Variants in PRKG1 observed in about 807,000 individuals in gnomAD.
PRKG1 encodes protein kinase cGMP-dependent 1.
PRKG1 carries 35 observed loss-of-function variants against 88.1 expected under a neutral mutation model. The observed-to-expected ratio is 0.40, with a 90% CI of 0.30 to 0.53. The LOEUF is 0.53. Ranked by LOEUF, PRKG1 falls within the 20% of genes least tolerant of loss-of-function variation. The pLI, the probability that PRKG1 is intolerant of heterozygous loss-of-function variation, is 0.59. For synonymous variants in PRKG1, 303 were observed against 292.5 expected (o/e 1.04, Z -0.37); for missense variants, 540 against 839.8 (o/e 0.64, Z 4.41).
At chr10:51,114,236 G>A (rs532811328) in intron 1 of PRKG1, among the ~76,000 whole-genome samples, 1 of 152,272 alleles carries the variant, frequency 6.6e-6, no homozygotes, top group South Asian at 2.1e-4. Flanking sequence ...TGATATGAAA[G>A]CTAGGGAGGT....
chr10:51,042,245 G>A (rs183640788), intron 1 of PRKG1, among the ~76,000 whole-genome samples: 3 of 152,156 alleles, frequency 2.0e-5, no homozygotes, highest in East Asian at 1.9e-4. Context: ...CCTCTCTCTC[G>A]TAAGAAAATG....
chr10:51,613,560 G>T (rs1699188917), intron 3 of PRKG1, among the ~76,000 whole-genome samples: 1 of 151,022 alleles, frequency 6.6e-6, no homozygotes, highest in Non-Finnish European at 1.5e-5. Context: ...GCTAATTTTG[G>T]GTTTGGTTTG....
At chr10:52,202,892 G>T (rs754084844) in intron 9 of PRKG1, among the ~76,000 whole-genome samples, 3 of 151,976 alleles carry the variant, frequency 2.0e-5, no homozygotes, top group Non-Finnish European at 4.4e-5. Flanking sequence ...ATTTCTGATT[G>T]TGTTTATTTG....
intron 1 of PRKG1, among the ~76,000 whole-genome samples, chr10:51,013,942 T>A (rs891237365): frequency 1.3e-5 from 2 of 152,094 alleles, no homozygotes; most frequent in Non-Finnish European, 2.9e-5. Context: ...TCTTCTGGGT[T>A]AAAAAAATAT....
At chr10:51,665,964 C>T (rs946612017) in intron 3 of PRKG1, among the ~76,000 whole-genome samples, 2 of 151,480 alleles carry the variant, frequency 1.3e-5, no homozygotes, top group African/African-American at 4.9e-5. Flanking sequence ...TGAAACAACA[C>T]AAGGGAAAGC....
intron 1 of PRKG1, among the ~76,000 whole-genome samples, chr10:51,049,121 A>G (rs911012940): frequency 4.6e-5 from 7 of 152,116 alleles, no homozygotes; most frequent in African/African-American, 1.7e-4. Context: ...CCGGCAATTA[A>G]CTGCCTCTGC....
chr10:51,413,770 T>C (rs1179136728), intron 2 of PRKG1, among the ~76,000 whole-genome samples: 3 of 152,224 alleles, frequency 2.0e-5, no homozygotes, highest in Non-Finnish European at 4.4e-5. Flanking sequence ...ATAAAGACAA[T>C]ATGTTCATTG....
intron 5 of PRKG1, among the ~76,000 whole-genome samples, chr10:52,039,652 T>C (rs921141774): frequency 6.6e-6 from 1 of 152,120 alleles, no homozygotes; most frequent in Non-Finnish European, 1.5e-5. Flanking sequence ...CTGAGGCCTC[T>C]AAACCACACC....
In PRKG1 at chr10:52,151,150, C is replaced by T. The variant is rs556147202; in HGVS notation, c.1002-10739C>T. Among the ~76,000 whole-genome samples the T allele has an allele frequency of 2.0e-5, 3 of 152,084 alleles. No individual in the cohort carries two copies. The East Asian group carries it at 5.8e-4, about 29-fold the overall frequency. On this transcript the variant is annotated intron_variant, in intron 8 of 17. Transcript: ENST00000373980. Reference sequence around the variant, plus strand: ...GTTATATAGGTAAACTTGTGTCATGCGGGTTTGGTGTGTAGACTATTTTGT... The same window carrying T: ...GTTATATAGGTAAACTTGTGTCATGTGGGTTTGGTGTGTAGACTATTTTGT...
chr10:51,945,907 C>G (rs1388433739), intron 5 of PRKG1, among the ~76,000 whole-genome samples: 30 of 151,064 alleles, frequency 2.0e-4, no homozygotes, highest in African/African-American at 6.1e-4. Flanking sequence ...TTCATTTCAA[C>G]TTTGGTGAAT....
Position 51,772,484 on chromosome 10 carries a change from G to T in PRKG1, c.593-32101G>T, listed in dbSNP as rs774130306. Among the ~76,000 whole-genome samples the T allele has an allele frequency of 4.6e-5, 7 of 152,142 alleles. No homozygotes were observed. The South Asian group carries it at 6.2e-4, about 14-fold the overall frequency. On this transcript the variant is annotated intron_variant, in intron 3 of 17. Coordinates refer to ENST00000373980, the MANE Select transcript of PRKG1 (RefSeq NM_006258.4). ...AAAAATAACATTAAAGCAGGTGACT[G>T]ACATGATTTTGTAAATATATTTATA...
chr10:51,659,409 G>A (rs1032019637), intron 3 of PRKG1, among the ~76,000 whole-genome samples: 5 of 152,100 alleles, frequency 3.3e-5, no homozygotes, highest in African/African-American at 1.2e-4. Context: ...CAGAGGAGCT[G>A]AGCCATCTGG....
intron 2 of PRKG1, among the ~76,000 whole-genome samples, chr10:51,429,062 A>C (rs1838681977): frequency 6.6e-6 from 1 of 152,170 alleles, no homozygotes; most frequent in African/African-American, 2.4e-5. Flanking sequence ...GCAGAAACAC[A>C]ACAGGGTCCA....
At chr10:51,994,772 G>C (rs1040765452) in intron 5 of PRKG1, among the ~76,000 whole-genome samples, 2 of 152,150 alleles carry the variant, frequency 1.3e-5, no homozygotes, top group African/African-American at 4.8e-5. Context: ...TTAATCTAAA[G>C]GGAAGGAAGT....
chr10:51,218,748 C>T, intron 2 of PRKG1, among the ~76,000 whole-genome samples: 1 of 150,868 alleles, frequency 6.6e-6, no homozygotes. Flanking sequence ...TAGAAACAAA[C>T]AAAAAAAGAT....
chr10:51,908,733 A>ATCTATCTATCTATCTATCTATATAT (rs60587885), intron 5 of PRKG1: 112 of 131,656 alleles, frequency 8.5e-4, no homozygotes, highest in African/African-American at 3.1e-3. Flanking sequence ...ATCTATATGT[A>ATCTATCTATCTATCTATCTATATAT]ATTTTTTTTT....
At position 51,695,026 on chromosome 10, in the gene PRKG1, C is replaced by T. The variant is rs541912539; in HGVS notation, c.593-109559C>T. 2.6e-5 allele frequency among the ~76,000 whole-genome samples: 4 copies of T among 152,212 alleles called. No individual in the cohort carries two copies. The South Asian group carries it at 8.3e-4, about 32-fold the overall frequency. ...TGCATCTAAACCCTTATGAAGGCAG[C>T]ATATGTGCTCTTAATGGGATTTTTT... On this transcript the variant is annotated intron_variant, in intron 3 of 17. Coordinates refer to ENST00000373980, the MANE Select transcript of PRKG1 (RefSeq NM_006258.4).
chr10:51,726,301 T>TA (rs1842129260), intron 3 of PRKG1, among the ~76,000 whole-genome samples: 1 of 152,240 alleles, frequency 6.6e-6, no homozygotes, highest in South Asian at 2.1e-4. Context: ...TAGAGAGTTC[T>TA]AATTCATTTT....
intron 4 of PRKG1, among the ~76,000 whole-genome samples, chr10:51,841,165 A>T (rs963750128): frequency 6.6e-6 from 1 of 152,206 alleles, no homozygotes; most frequent in African/African-American, 2.4e-5. Flanking sequence ...CTTTATCTCC[A>T]GTAAGTCAAT....
Sources: allele counts gnomAD v4.1 joint callset (sites outside exome capture counted in the v4.1 genomes callset), GRCh38; gene constraint gnomAD v4.1.1; transcripts MANE v1.5; gene names NCBI Gene and HGNC (gene_info 2026-07-23, HGNC 2026-07-21).